PLK5: variants seen among roughly 807,000 people sequenced by gnomAD.
The protein encoded by PLK5 is polo like kinase 5 (inactive).
Under a neutral mutation model 33.7 loss-of-function variants are expected in PLK5, and 28 were observed. That is an observed-to-expected ratio of 0.83 (90% confidence interval 0.62 to 1.14). The LOEUF (loss-of-function observed/expected upper bound fraction) is 1.14, where lower values mean the gene tolerates loss of function less well. PLK5 is among the 50% of genes most tolerant of loss of function. The pLI is 0.00. For missense variants in PLK5, 492 were observed against 461.5 expected, an observed-to-expected ratio of 1.07 and a Z score of -0.61; for synonymous variants, 225 against 202.2, an observed-to-expected ratio of 1.11 and a Z score of -0.96.
intron 12 of PLK5, among the ~76,000 whole-genome samples, chr19:1,532,315 A>G (rs947722480): frequency 1.3e-5 from 2 of 151,804 alleles, no homozygotes; most frequent in Non-Finnish European, 1.5e-5. Flanking sequence ...TGAGGTGCGG[A>G]CTCGCTTGAA....
rs1363957195 is a variant in PLK5 at position 1,534,004 on chromosome 19, A to G, written c.788A>G (p.His263Arg). 1 of 1,535,502 alleles carries G rather than the reference A, an allele frequency of 6.5e-7. No individual in the cohort carries two copies. Among genetic ancestry groups the G allele is most frequent in the Non-Finnish European group, 8.7e-7 (1 of 1,146,766 alleles). ...LCLLRFLASE[H>R]ALLLLFSNGM... ...CTCCTGCGCTTCCTGGCCTCTGAGC[A>G]CGCCCTGCTGCTGCTGTTCAGCAAT... Residue 263 changes from histidine (H) to arginine (R), a missense_variant, in exon 13 of 14, where the codon CAC becomes CGC. Transcript: ENST00000454744.
chr19:1,529,859 C>T, intron 11 of PLK5, 35 bp downstream of exon 11: 1 of 1,520,622 alleles, frequency 6.6e-7, no homozygotes, highest in Non-Finnish European at 8.8e-7. Flanking sequence ...ATCACCTTTA[C>T]TCTTACTAGC....
chr19:1,534,171 A>G, intron 13 of PLK5, 130 bp downstream of exon 13: 1 of 722,294 alleles, frequency 1.4e-6, no homozygotes, highest in Non-Finnish European at 2.2e-6. Context: ...AAAAAAAAAA[A>G]AAGGTATTGG....
At chr19:1,529,080 C>A in intron 9 of PLK5, 106 bp downstream of exon 9, 2 of 999,842 alleles carry the variant, frequency 2.0e-6, no homozygotes, top group Non-Finnish European at 2.8e-6. Context: ...CTTCTGGGGT[C>A]TCCAAGCCCG....
At chr19:1,530,194 T>C (rs1436933762) in intron 11 of PLK5, among the ~76,000 whole-genome samples, 3 of 151,882 alleles carry the variant, frequency 2.0e-5, no homozygotes, top group African/African-American at 7.3e-5. Context: ...TCCTCTCCCC[T>C]CCTCTCCCTG....
chr19:1,535,074 A>G lies in PLK5; in HGVS notation c.835A>G (p.Ser279Gly). The change falls in exon 14 of 14, where the codon AGT (serine) becomes GGT (glycine). Residue 279 changes from serine (S) to glycine (G), a missense_variant. By Grantham distance (56) the Ser-to-Gly change is moderately conservative. Transcript: ENST00000454744. ...FSNGMVQVSF[S>G]GVPAQLVLSG... is the part of the protein sequence containing the mutation. ...ATCTTACCCTTTGCAGGTGAGCTTC[A>G]GTGGAGTCCCGGCCCAACTGGTGCT... 6.5e-7 allele frequency: 1 copy of G among 1,528,784 alleles called. No individual in the cohort carries two copies. Among genetic ancestry groups the G allele is most frequent in the Non-Finnish European group, 8.7e-7 (1 of 1,143,906 alleles). The allele number at this position is 1,528,784 out of a possible 1,614,324, so 94.7% of individuals were successfully genotyped here. A position where few individuals can be genotyped will look rare whatever the true frequency, so the allele number is the denominator to read the frequency against.
chr19:1,532,014 C>T (rs931343569), intron 12 of PLK5, 131 bp downstream of exon 12: 8 of 1,068,440 alleles, frequency 7.5e-6, no homozygotes, highest in Non-Finnish European at 8.8e-6. Flanking sequence ...GGGAGAACAA[C>T]ACTAAACGAA....
rs903271706 is a variant in PLK5, at chr19:1,534,917, C to A, written c.826-148C>A. Reference sequence around the variant, plus strand: ...GTGTACAGTGGAGCACTTGGCCTCCCGACCCCGAGTTCCTGTGGCTGGGGC... The same window carrying A: ...GTGTACAGTGGAGCACTTGGCCTCCAGACCCCGAGTTCCTGTGGCTGGGGC... On this transcript the variant is annotated intron_variant, in intron 13 of 13. Coordinates refer to ENST00000454744, the MANE Select transcript of PLK5 (RefSeq NM_001243079.2). The A allele has an allele frequency of 1.2e-5, 9 of 721,868 alleles. No homozygotes were observed. In the Admixed American group the frequency reaches 3.0e-4, roughly 24 times the overall value. The allele number at this position is 721,868 out of a possible 1,614,324, so 44.7% of individuals were successfully genotyped here.
In PLK5 at chr19:1,529,816, G is replaced by A. The variant is rs781412544; in HGVS notation, c.560G>A (p.Gly187Asp). 1.3e-6 allele frequency: 2 copies of A among 1,535,764 alleles called. No homozygotes were observed. The highest frequency in any genetic ancestry group is 1.2e-5 in the South Asian group (1 of 84,024). Residue 187 changes from glycine (G) to aspartate (D), a missense_variant, in exon 11 of 14, where the codon GGC becomes GAC. Gly to Asp is a moderately conservative substitution (Grantham distance 94, BLOSUM62 -1). Coordinates refer to ENST00000454744, the MANE Select transcript of PLK5 (RefSeq NM_001243079.2). ...CACCTGCAGCTGTGCCTGGATGTAG[G>A]CCCCCCGGGTAGGAGCCGGCCCAGC... Reference protein sequence around the residue: ...LRHLQLCLDVGPPATQDPLGE... With the variant: ...LRHLQLCLDVDPPATQDPLGE...
rs1396332123 is a variant in PLK5 at position 1,526,528 on chromosome 19, C to T, written c.-270C>T. The T allele has an allele frequency of 7.0e-6, 2 of 286,420 alleles. No homozygotes were observed. Among genetic ancestry groups the T allele is most frequent in the Non-Finnish European group, 1.4e-5 (2 of 144,562 alleles). The allele number at this position is 286,420 out of a possible 1,614,324, so 17.7% of individuals were successfully genotyped here. On this transcript the variant is annotated 5_prime_UTR_variant, in exon 4 of 14. Coordinates refer to ENST00000454744, the MANE Select transcript of PLK5 (RefSeq NM_001243079.2). Reference sequence around the variant, plus strand: ...GAGGGCGCGGCAGATCCTGACGGAGCCAGAAGTGCGCGACTACCTGCGGGG... The same window carrying T: ...GAGGGCGCGGCAGATCCTGACGGAGTCAGAAGTGCGCGACTACCTGCGGGG...
Position 1,531,782 on chromosome 19 carries a change from C to T in PLK5, c.613C>T (p.Pro205Ser), listed in dbSNP as rs1195151075. 1.1e-5 allele frequency: 17 copies of T among 1,535,874 alleles called. No individual in the cohort carries two copies. The East Asian group carries it at 4.2e-4, about 38-fold the overall frequency. The change falls in exon 12 of 14, where the codon CCC (proline) becomes TCC (serine). Residue 205 changes from proline (P) to serine (S), a missense_variant. Transcript: ENST00000454744. Reference protein sequence around the residue: ...LGEQQPILWAPKWVDYSSKYG... With the variant: ...LGEQQPILWASKWVDYSSKYG... ...AGAGCAGCAGCCCATCCTCTGGGCCCCCAAATGGGTGGATTATTCCAGCAA... is the reference window on the plus strand; with the variant it reads ...AGAGCAGCAGCCCATCCTCTGGGCCTCCAAATGGGTGGATTATTCCAGCAA...
intron 7 of PLK5, 41 bp downstream of exon 7, chr19:1,528,175 C>CCCTGGCGTGGGGTT: frequency 1.3e-6 from 2 of 1,529,538 alleles, no homozygotes; most frequent in Non-Finnish European, 1.8e-6. Flanking sequence ...GGCGTGGGGT[C>CCCTGGCGTGGGGTT]CCTGGCAGGT....
Position 1,535,261 on chromosome 19 carries a change from G to C in PLK5, c.*11G>C. 6.5e-7 allele frequency: 1 copy of C among 1,533,778 alleles called. No homozygotes were observed. The highest frequency in any genetic ancestry group is 2.0e-5 in the Admixed American group (1 of 50,632). Reference sequence around the variant, plus strand: ...CTGCAGAGTATCTAGTGCCCCTGAGGGTCAGAGTGGACCCCTGCATGGTAG... The same window carrying C: ...CTGCAGAGTATCTAGTGCCCCTGAGCGTCAGAGTGGACCCCTGCATGGTAG... On this transcript the variant is annotated 3_prime_UTR_variant, in exon 14 of 14. Coordinates refer to ENST00000454744, the MANE Select transcript of PLK5 (RefSeq NM_001243079.2).
rs1599302871 is a variant in PLK5, at chr19:1,526,764, AGGTGGGGCCAG to A, written c.-119_-109del. ...ATTGGAGACCTGGGACTGGCGGCCA[AGGTGGGGCCAG>A]GGGGCCGCTGCCACAGGTGAGAGCC... On this transcript the variant is annotated 5_prime_UTR_variant, in exon 5 of 14. An upstream open reading frame in the 5' UTR gains an earlier in-frame stop. Transcript: ENST00000454744. 1 of 575,320 alleles carries A rather than the reference AGGTGGGGCCAG, an allele frequency of 1.7e-6. No homozygotes were observed. The highest frequency in any genetic ancestry group is 3.1e-5 in the East Asian group (1 of 32,398). The allele number at this position is 575,320 out of a possible 1,614,324, so 35.6% of individuals were successfully genotyped here.
In PLK5 at chr19:1,535,356, G is replaced by A; in HGVS notation, c.*106G>A. 1 of 1,238,894 alleles carries A rather than the reference G, an allele frequency of 8.1e-7. No homozygotes were observed. Among genetic ancestry groups the A allele is most frequent in the Non-Finnish European group, 1.1e-6 (1 of 917,584 alleles). The allele number at this position is 1,238,894 out of a possible 1,614,324, so 76.7% of individuals were successfully genotyped here. On this transcript the variant is annotated 3_prime_UTR_variant, in exon 14 of 14. Coordinates refer to ENST00000454744, the MANE Select transcript of PLK5 (RefSeq NM_001243079.2). ...AGGGGCTGTCCTGGGGGAGGGCTGG[G>A]GGGCACACGGGAGGTGGGTTCTTGC...
In PLK5 at chr19:1,535,540, C is replaced by G. The variant is rs1914072628; in HGVS notation, c.*290C>G. On this transcript the variant is annotated 3_prime_UTR_variant, in exon 14 of 14. Transcript: ENST00000454744. ...TTGACCCCACGTGACGTTGCATCCT[C>G]CCTGTTTCTCTTAGTGGCAGAGGTG... is the stretch of plus-strand genomic sequence containing the variant. The G allele has an allele frequency of 2.4e-6, 1 of 419,644 alleles. No individual in the cohort carries two copies. Among genetic ancestry groups the G allele is most frequent in the Non-Finnish European group, 4.2e-6 (1 of 238,586 alleles). 26.0% of individuals were successfully genotyped at this position (419,644 alleles called of 1,614,324 possible).
In PLK5 at chr19:1,526,699, G is replaced by A. The variant is rs1736931671; in HGVS notation, c.-182-5G>A. The A allele has an allele frequency of 2.1e-6, 1 of 481,872 alleles. No homozygotes were observed. The highest frequency in any genetic ancestry group is 3.8e-6 in the Non-Finnish European group (1 of 262,728). The allele number at this position is 481,872 out of a possible 1,614,324, so 29.8% of individuals were successfully genotyped here. ...CCCCATGCGCAATGCCCCTCCCACT[G>A]CCAGGTAACTTCTTCCTTAACAAGA... On this transcript the variant is annotated splice_region_variant and splice_polypyrimidine_tract_variant and intron_variant, in intron 4 of 13. Transcript: ENST00000454744.
rs1914068232 is a variant in PLK5 at position 1,535,354 on chromosome 19, G to A, written c.*104G>A. On this transcript the variant is annotated 3_prime_UTR_variant, in exon 14 of 14. Transcript: ENST00000454744. ...AGAGGGGCTGTCCTGGGGGAGGGCT[G>A]GGGGGCACACGGGAGGTGGGTTCTT... 1 of 1,264,088 alleles carries A rather than the reference G, an allele frequency of 7.9e-7. No individual in the cohort carries two copies. Among genetic ancestry groups the A allele is most frequent in the African/African-American group, 1.6e-5 (1 of 64,008 alleles). The allele number at this position is 1,264,088 out of a possible 1,614,324, so 78.3% of individuals were successfully genotyped here. A position where few individuals can be genotyped will look rare whatever the true frequency, so the allele number is the denominator to read the frequency against.
chr19:1,533,731 C>T (rs1913999531), intron 12 of PLK5, 200 bp from the exon 13 acceptor site: 2 of 604,080 alleles, frequency 3.3e-6, no homozygotes, highest in African/African-American at 1.9e-5. Flanking sequence ...AAGTGTGCTA[C>T]ATGCCCAACT....
Sources: gnomAD v4.1 joint callset for allele counts (sites outside exome capture counted in the v4.1 genomes callset) on GRCh38, gnomAD v4.1.1 for gene constraint, MANE v1.5 for transcripts, NCBI Gene and HGNC (gene_info 2026-07-23, HGNC 2026-07-21) for gene names.